The following MYBBP1A variants were observed in gnomAD, a reference collection of about 807,000 sequenced individuals.
The protein encoded by MYBBP1A is myb-binding protein 1A.
MYBBP1A carries 147 observed loss-of-function variants against 136.3 expected under a neutral mutation model. The ratio of observed to expected loss-of-function variants is 1.08; its 90% CI spans 0.94 to 1.24. The LOEUF (loss-of-function observed/expected upper bound fraction) is 1.24. Ranked by LOEUF, MYBBP1A falls within the 50% of genes most tolerant of loss-of-function variation. The probability of loss-of-function intolerance (pLI) is 0.00; values close to 1 mark genes in which losing one functional copy is unlikely to be tolerated. For synonymous variants in MYBBP1A, 947 were observed against 735.8 expected, an observed-to-expected ratio of 1.29 and a Z score of -4.65; for missense variants, 2,060 against 1,727.4, an observed-to-expected ratio of 1.19 and a Z score of -3.41.
intron 19 of MYBBP1A, 45 bp downstream of exon 19, chr17:4,544,443 TG>T (rs1240755035): frequency 2.6e-6 from 4 of 1,539,630 alleles, no homozygotes; most frequent in Non-Finnish European, 8.7e-7. Flanking sequence ...CTCCTGCGCC[TG>T]GGGGCTGCCG....
chr17:4,551,813 C>G, intron 8 of MYBBP1A, 67 bp downstream of exon 8: 1 of 1,464,316 alleles, frequency 6.8e-7, no homozygotes, highest in Admixed American at 1.8e-5. Flanking sequence ...CCCTGCTCCC[C>G]TTTTTGGCAG....
rs758261412 is a variant in MYBBP1A, at chr17:4,552,479, T to C, written c.709A>G (p.Asn237Asp). Reference sequence around the variant, plus strand: ...GGGACATTCTCATCTGAGAATAGGTTCACGGATCCCACCAGCTTCTTGAGC... The same window carrying C: ...GGGACATTCTCATCTGAGAATAGGTCCACGGATCCCACCAGCTTCTTGAGC... ...SKLKKLVGSV[N>D]LFSDENVPRL... The change falls in exon 6 of 26, where the codon AAC becomes GAC. Residue 237 changes from asparagine (N) to aspartate (D), a missense_variant. Coordinates refer to ENST00000254718, the MANE Select transcript of MYBBP1A (RefSeq NM_014520.4). The surrounding 1 kb of genome is among the most constrained non-coding windows in gnomAD (Gnocchi z 4.7). The C allele has an allele frequency of 1.9e-6, 3 of 1,613,536 alleles. No homozygotes were observed. Among genetic ancestry groups the C allele is most frequent in the Non-Finnish European group, 8.5e-7 (1 of 1,180,022 alleles).
intron 16 of MYBBP1A, 41 bp from the exon 17 acceptor site, chr17:4,545,216 G>T (rs956508933): frequency 6.2e-7 from 1 of 1,612,272 alleles, no homozygotes; most frequent in African/African-American, 1.3e-5. Context: ...CTCCCCGATC[G>T]TCCCACTCCC....
At position 4,548,538 on chromosome 17, in the gene MYBBP1A, G is replaced by T; in HGVS notation, c.1542C>A (p.Ser514Arg). The stretch of plus-strand genomic sequence containing the variant: ...CCAAGACTCACCTGAAGAAGGCACT[G>T]CTGACAGCCTCTCGGGCCTGGTTTT... ...PLENQAREAV[S>R]SAFFSLLQTL... Residue 514 changes from serine to arginine, a missense_variant, in exon 11 of 26, where the codon AGC (serine) becomes AGA (arginine). Transcript: ENST00000254718. This position sits in a 1 kb window ranked among gnomAD's most constrained non-coding sequence, Gnocchi z 4.2. 1 of 1,614,166 alleles carries T rather than the reference G, an allele frequency of 6.2e-7. No homozygotes were observed. Among genetic ancestry groups the T allele is most frequent in the Non-Finnish European group, 8.5e-7 (1 of 1,180,044 alleles).
At position 4,542,609 on chromosome 17, in the gene MYBBP1A, C is replaced by T. The variant is rs1391561567; in HGVS notation, c.3018+7G>A. On this transcript the variant is annotated splice_region_variant and intron_variant, in intron 21 of 25. Transcript: ENST00000254718. ...CATGAGGAAGCAGGGCAGGCCCCAACACTCACCGGGTGCCGGGAGAAGAGG... is the reference window on the plus strand; with the variant it reads ...CATGAGGAAGCAGGGCAGGCCCCAATACTCACCGGGTGCCGGGAGAAGAGG... 3.1e-6 allele frequency: 5 copies of T among 1,613,814 alleles called. No individual in the cohort carries two copies. In the East Asian group the frequency reaches 6.7e-5, roughly 22 times the overall value.
chr17:4,545,998 A>AC, intron 13 of MYBBP1A, 56 bp from the exon 14 acceptor site: 1 of 1,536,144 alleles, frequency 6.5e-7, no homozygotes, highest in Non-Finnish European at 8.9e-7. Context: ...GCCCTTCTAA[A>AC]CCAGGCAAGG....
Position 4,545,943 on chromosome 17 carries a change from C to T in MYBBP1A, c.1825-1G>A. ...GCAGGTCACAGCTCTCTGCAGGGGA[C>T]TGCGGGCAGGGTAGGACACACACTG... On this transcript the variant is annotated splice_acceptor_variant, in intron 13 of 25. Transcript: ENST00000254718. LOFTEE classifies it high-confidence loss of function. 1.9e-6 allele frequency: 3 copies of T among 1,612,832 alleles called. No individual in the cohort carries two copies. Among genetic ancestry groups the T allele is most frequent in the Non-Finnish European group, 2.5e-6 (3 of 1,179,804 alleles).
Position 4,548,593 on chromosome 17 carries a change from T to C in MYBBP1A, c.1487A>G (p.Glu496Gly). The C allele has an allele frequency of 4.3e-6, 7 of 1,614,194 alleles. No individual in the cohort carries two copies. The highest frequency in any genetic ancestry group is 1.3e-5 in the African/African-American group (1 of 75,060). The change falls in exon 11 of 26, where the codon GAG (glutamate) becomes GGG (glycine). Residue 496 changes from glutamate (E) to glycine (G), a missense_variant. Coordinates refer to ENST00000254718, the MANE Select transcript of MYBBP1A (RefSeq NM_014520.4). The surrounding 1 kb of genome is among the most constrained non-coding windows in gnomAD (Gnocchi z 4.2). ...VTKKPTSQIP[E>G]TKHPFSFPLE... The stretch of plus-strand genomic sequence containing the variant: ...AGGGAAGGAGAACGGGTGCTTTGTC[T>C]CAGGGATCTGGGATGTGGGCTTCTT...
Position 4,552,061 on chromosome 17 carries a change from C to G in MYBBP1A, c.905+64G>C. On this transcript the variant is annotated intron_variant, in intron 7 of 25. Transcript: ENST00000254718. This position sits in a 1 kb window ranked among gnomAD's most constrained non-coding sequence, Gnocchi z 4.7. Reference sequence around the variant, plus strand: ...GGTGCCCCTGGTGGGAACCTCAGGACTAGTGGCCTAGCCCACTTCACGGAC... The same window carrying G: ...GGTGCCCCTGGTGGGAACCTCAGGAGTAGTGGCCTAGCCCACTTCACGGAC... 2 of 1,596,024 alleles carry G rather than the reference C, an allele frequency of 1.3e-6. No individual in the cohort carries two copies. The highest frequency in any genetic ancestry group is 3.3e-4 in the Middle Eastern group (2 of 5,988).
In MYBBP1A at chr17:4,545,326, C is replaced by T. The variant is rs1234887437; in HGVS notation, c.2093G>A (p.Ser698Asn). The change falls in exon 16 of 26, where the codon AGT becomes AAT. Residue 698 changes from serine (S) to asparagine (N), a missense_variant. Ser to Asn is a conservative substitution (Grantham distance 46). Coordinates refer to ENST00000254718, the MANE Select transcript of MYBBP1A (RefSeq NM_014520.4). Reference protein sequence around the residue: ...LILDVLNPETSEDENDRVVVT... With the variant: ...LILDVLNPETNEDENDRVVVT... ...CACCACACGGTCATTCTCATCCTCA[C>T]TGGTCTCGGGGTTCAGCACCTGGGG... 6.2e-7 allele frequency: 1 copy of T among 1,613,406 alleles called. No individual in the cohort carries two copies. The highest frequency in any genetic ancestry group is 8.5e-7 in the Non-Finnish European group (1 of 1,179,968).
chr17:4,545,449 G>T, intron 15 of MYBBP1A, 104 bp from the exon 16 acceptor site: 1 of 1,535,416 alleles, frequency 6.5e-7, no homozygotes, highest in Non-Finnish European at 8.9e-7. Context: ...AGAAAACGGA[G>T]CCTAGGAGAG....
chr17:4,541,945 G>A, intron 22 of MYBBP1A, 54 bp from the exon 23 acceptor site: 5 of 1,453,284 alleles, frequency 3.4e-6, no homozygotes, highest in Non-Finnish European at 4.8e-6. Context: ...GGTGCTCACG[G>A]CTCAGGGATG....
At chr17:4,540,177 A>AG (rs1260427706) in intron 25 of MYBBP1A, among the ~76,000 whole-genome samples, 171 bp downstream of exon 25, 3 of 143,258 alleles carry the variant, frequency 2.1e-5, no homozygotes, top group African/African-American at 7.7e-5. Context: ...GGGTCCTGTG[A>AG]GGGTCCTACA....
At chr17:4,545,979 CTG>C in intron 13 of MYBBP1A, 37 bp from the exon 14 acceptor site, 2 of 1,587,978 alleles carry the variant, frequency 1.3e-6, no homozygotes, top group Non-Finnish European at 1.7e-6. Context: ...GGGCCAGGCC[CTG>C]TCCCCAGCCC....
At position 4,552,222 on chromosome 17, in the gene MYBBP1A, C is replaced by G; in HGVS notation, c.808G>C (p.Asp270His). 6.2e-7 allele frequency: 1 copy of G among 1,614,204 alleles called. No homozygotes were observed. Among genetic ancestry groups the G allele is most frequent in the South Asian group, 1.1e-5 (1 of 91,086 alleles). ...TCCTTGAGTGCCAGGCGGAGCAGGT[C>G]CAGAGCAATGGCGGGCAGCTTGCGG... ...KDRKLPAIAL[D>H]LLRLALKEDK... The change falls in exon 7 of 26, where the codon GAC (aspartate) becomes CAC (histidine). Residue 270 changes from aspartate to histidine, a missense_variant. Coordinates refer to ENST00000254718, the MANE Select transcript of MYBBP1A (RefSeq NM_014520.4). The surrounding 1 kb of genome is among the most constrained non-coding windows in gnomAD (Gnocchi z 4.7).
In MYBBP1A at chr17:4,541,570, G is replaced by A; in HGVS notation, c.3196-6C>T. ...TCCCCCAGCACGCGCAAGTTCTAGG[G>A]AAGGGTGGCCAGGCTGAGGCACTCC... is the stretch of plus-strand genomic sequence containing the variant. On this transcript the variant is annotated splice_polypyrimidine_tract_variant and splice_region_variant and intron_variant, in intron 23 of 25. Coordinates refer to ENST00000254718, the MANE Select transcript of MYBBP1A (RefSeq NM_014520.4). 2 of 1,611,306 alleles carry A rather than the reference G, an allele frequency of 1.2e-6. No individual in the cohort carries two copies. Among genetic ancestry groups the A allele is most frequent in the Non-Finnish European group, 1.7e-6 (2 of 1,179,900 alleles).
chr17:4,540,354 C>A lies in MYBBP1A; in HGVS notation c.3428G>T (p.Gly1143Val). The A allele has an allele frequency of 6.2e-7, 1 of 1,606,666 alleles. No homozygotes were observed. Among genetic ancestry groups the A allele is most frequent in the Non-Finnish European group, 8.5e-7 (1 of 1,179,292 alleles). ...TCCCCCTCCCAGAACCTACTGGACT[C>A]CCAGGGTTTTCATGGCCTGCCAGTA... ...DLYWQAMKTL[G>V]VQRPKLEKKD... The change falls in exon 25 of 26, where the codon GGA becomes GTA. Residue 1143 changes from glycine to valine, a missense_variant. Transcript: ENST00000254718.
At chr17:4,542,580 G>A in intron 21 of MYBBP1A, 36 bp downstream of exon 21, 1 of 1,613,236 alleles carries the variant, frequency 6.2e-7, no homozygotes, top group Non-Finnish European at 8.5e-7. Context: ...GGCTGAGCAG[G>A]GACCATGAGG....
At chr17:4,542,301 C>T in intron 22 of MYBBP1A, 163 bp downstream of exon 22, 1 of 801,630 alleles carries the variant, frequency 1.2e-6, no homozygotes, top group South Asian at 1.8e-5. Flanking sequence ...GGCACGGCCA[C>T]CCCCTTCAGA....
Sources: allele counts gnomAD v4.1 joint callset (sites outside exome capture counted in the v4.1 genomes callset), GRCh38; gene constraint gnomAD v4.1.1; non-coding constraint Gnocchi (gnomAD v3.1); transcripts MANE v1.5; gene names NCBI Gene and HGNC (gene_info 2026-07-23, HGNC 2026-07-21).